Variants in NRG3 observed in about 807,000 individuals in gnomAD.
The protein encoded by NRG3 is pro-neuregulin-3, membrane-bound isoform.
NRG3 carries 31 observed loss-of-function variants against 66.9 expected under a neutral mutation model. The ratio of observed to expected loss-of-function variants is 0.46; its 90% CI spans 0.35 to 0.63. The LOEUF (loss-of-function observed/expected upper bound fraction) is 0.63, where lower values mean the gene tolerates loss of function less well. Among genes scored for constraint, NRG3 ranks in the 20% least tolerant of loss-of-function variants. NRG3 has a pLI of 0.00. For missense variants in NRG3, 910 were observed against 878.9 expected (o/e 1.04, Z -0.45); for synonymous variants, 393 against 359.4 (o/e 1.09, Z -1.06).
chr10:82,899,286 A>G (rs1004634870), intron 4 of NRG3, among the ~76,000 whole-genome samples: 1 of 152,040 alleles, frequency 6.6e-6, no homozygotes, highest in African/African-American at 2.4e-5. Flanking sequence ...CTAGGCCTCT[A>G]TTTACTCTTG....
At chr10:82,528,443 C>A (rs1846935494) in intron 2 of NRG3, among the ~76,000 whole-genome samples, 1 of 152,130 alleles carries the variant, frequency 6.6e-6, no homozygotes, top group Non-Finnish European at 1.5e-5. Flanking sequence ...CTAGCAGAAG[C>A]TGCATTAATT....
At chr10:82,435,724 C>A (rs2090092799) in intron 2 of NRG3, among the ~76,000 whole-genome samples, 1 of 150,702 alleles carries the variant, frequency 6.6e-6, no homozygotes, top group Non-Finnish European at 1.5e-5. Flanking sequence ...CATTCAGGAG[C>A]AGGATATTCA....
At chr10:82,561,427 G>A (rs1166261498) in intron 2 of NRG3, among the ~76,000 whole-genome samples, 1 of 152,138 alleles carries the variant, frequency 6.6e-6, no homozygotes, top group Non-Finnish European at 1.5e-5. Flanking sequence ...TGAGGTGGAC[G>A]GATCCCCTGA....
chr10:82,809,259 G>A (rs1012558370), intron 3 of NRG3, among the ~76,000 whole-genome samples: 6 of 152,044 alleles, frequency 3.9e-5, no homozygotes, highest in African/African-American at 1.2e-4. Flanking sequence ...AAAATGATGA[G>A]TCTCAGGGCA....
chr10:82,764,597 A>T (rs952899697), intron 3 of NRG3, among the ~76,000 whole-genome samples: 2 of 151,834 alleles, frequency 1.3e-5, no homozygotes, highest in Admixed American at 6.6e-5. Context: ...TCCTGACCTC[A>T]GGTGATCCGC....
chr10:81,958,086 C>G (rs981199025), intron 1 of NRG3, among the ~76,000 whole-genome samples: 2 of 152,160 alleles, frequency 1.3e-5, no homozygotes, highest in African/African-American at 4.8e-5. Flanking sequence ...ACACATACTA[C>G]AGCAGGGAAT....
chr10:82,460,769 C>G (rs980366002), intron 2 of NRG3, among the ~76,000 whole-genome samples: 1 of 152,044 alleles, frequency 6.6e-6, no homozygotes, highest in Non-Finnish European at 1.5e-5. Flanking sequence ...CCTGTGTGAC[C>G]CTGCTAGAGC....
In NRG3 at chr10:82,048,470, G is replaced by C. The variant is rs1332026898; in HGVS notation, c.823+172307G>C. Among the ~76,000 whole-genome samples, 240 of 151,914 alleles carry C rather than the reference G, an allele frequency of 1.6e-3. 4 individuals carry two copies. Among genetic ancestry groups the C allele is most frequent in the Non-Finnish European group, 3.2e-4 (22 of 67,960 alleles). ...TCACTCAAAACCGCACAACTACGTG[G>C]AAACTGAACAACCTGCTCCTGAATG... On this transcript the variant is annotated intron_variant, in intron 1 of 8. Coordinates refer to ENST00000372141, the MANE Select transcript of NRG3 (RefSeq NM_001010848.4).
At chr10:82,646,036 G>C (rs1235372420) in intron 2 of NRG3, among the ~76,000 whole-genome samples, 1 of 152,074 alleles carries the variant, frequency 6.6e-6, no homozygotes, top group East Asian at 1.9e-4. Context: ...TTGAAACCAT[G>C]TTCATATGAC....
At chr10:82,368,018 G>GTAAA (rs940614573) in intron 2 of NRG3, among the ~76,000 whole-genome samples, 16 of 152,016 alleles carry the variant, frequency 1.1e-4, no homozygotes, top group South Asian at 2.1e-4. Context: ...AAATAAATAA[G>GTAAA]TAAATAAATA....
intron 1 of NRG3, among the ~76,000 whole-genome samples, chr10:82,223,642 A>AACACACACACACACAC (rs398014296): frequency 1.7e-4 from 23 of 138,014 alleles, no homozygotes; most frequent in African/African-American, 5.6e-4. Flanking sequence ...AACCACCCCA[A>AACACACACACACACAC]ACACACACAC....
At chr10:82,077,526 TAAC>T (rs2065155161) in intron 1 of NRG3, among the ~76,000 whole-genome samples, 1 of 152,236 alleles carries the variant, frequency 6.6e-6, no homozygotes, top group East Asian at 1.9e-4. Context: ...CCATCTCTTG[TAAC>T]TATAACTTCT....
At chr10:81,993,370 A>C (rs1459115615) in intron 1 of NRG3, among the ~76,000 whole-genome samples, 1 of 152,132 alleles carries the variant, frequency 6.6e-6, no homozygotes, top group Non-Finnish European at 1.5e-5. Context: ...TTTTTGAGAC[A>C]GGGTCTTGCT....
At chr10:82,942,879 A>G (rs1848692173) in intron 4 of NRG3, among the ~76,000 whole-genome samples, 1 of 152,196 alleles carries the variant, frequency 6.6e-6, no homozygotes, top group Non-Finnish European at 1.5e-5. Flanking sequence ...GTCTGCTTGT[A>G]TTACATCCCT....
intron 2 of NRG3, among the ~76,000 whole-genome samples, chr10:82,568,526 C>T (rs771775459): frequency 6.6e-6 from 1 of 151,738 alleles, no homozygotes; most frequent in Non-Finnish European, 1.5e-5. Context: ...AAGGTGGCCC[C>T]CTTTACTTCT....
chr10:82,391,993 C>CAAAAA (rs775895969), intron 2 of NRG3, among the ~76,000 whole-genome samples: 28 of 38,750 alleles, frequency 7.2e-4, no homozygotes, highest in African/African-American at 1.3e-3. Flanking sequence ...CGAGCACATG[C>CAAAAA]AAAAAAAAAA....
intron 1 of NRG3, among the ~76,000 whole-genome samples, chr10:81,894,935 G>T (rs575418680): frequency 1.3e-5 from 2 of 152,166 alleles, no homozygotes; most frequent in Admixed American, 6.5e-5. Flanking sequence ...GTGGAGAGGT[G>T]GGTGAACATC....
chr10:82,633,979 A>G (rs1341753629), intron 2 of NRG3, among the ~76,000 whole-genome samples: 34 of 152,210 alleles, frequency 2.2e-4, no homozygotes, highest in Admixed American at 2.2e-3. Flanking sequence ...GCAGATTTTT[A>G]AGAAAGATAT....
rs143596368 is a variant in NRG3 at position 82,622,775 on chromosome 10, T to C, written c.954-115802T>C. ...TGTTATGTATTTCTGCAACCCATCA[T>C]GTCTATAAAACATCCATCTGTGGCA... is the stretch of plus-strand genomic sequence containing the variant. On this transcript the variant is annotated intron_variant, in intron 2 of 8. Transcript: ENST00000372141. Among the ~76,000 whole-genome samples the C allele has an allele frequency of 2.0e-3, 303 of 152,314 alleles. No homozygotes were observed. The Middle Eastern group carries it at 0.027, about 14-fold the overall frequency.
Sources: gnomAD v4.1 joint callset for allele counts (sites outside exome capture counted in the v4.1 genomes callset) on GRCh38, gnomAD v4.1.1 for gene constraint, MANE v1.5 for transcripts, NCBI Gene and HGNC (gene_info 2026-07-23, HGNC 2026-07-21) for gene names.